Variants in LAP3 observed in about 807,000 individuals in gnomAD.
LAP3 encodes the protein leucine aminopeptidase 3.
In LAP3, 46 loss-of-function variants were observed where a neutral mutation model predicts 58.8. The observed-to-expected ratio is 0.78, with a 90% confidence interval of 0.62 to 1.00. The LOEUF (loss-of-function observed/expected upper bound fraction) is 1.00. Among genes scored for constraint, LAP3 ranks in the 50% least tolerant of loss-of-function variants. LAP3 has a pLI of 0.00. For missense variants in LAP3, 615 were observed against 659.1 expected (o/e 0.93, Z 0.73); for synonymous variants, 257 against 237.7 (o/e 1.08, Z -0.75).
intron 1 of LAP3, among the ~76,000 whole-genome samples, chr4:17,578,283 T>C (rs992601894): frequency 1.3e-5 from 2 of 152,122 alleles, no homozygotes; most frequent in African/African-American, 2.4e-5. Context: ...ATCTCAGTGG[T>C]GGAGGGACCA....
Position 17,582,291 on chromosome 4 carries a change from T to A in LAP3, c.277T>A (p.Phe93Ile). 2 of 1,613,600 alleles carry A rather than the reference T, an allele frequency of 1.2e-6. No individual in the cohort carries two copies. Among genetic ancestry groups the A allele is most frequent in the South Asian group, 1.1e-5 (1 of 91,042 alleles). ...TRTFYGLHQD[F>I]PSVVLVGLGK... ...ATTTGGTGTATCTGTGGGACAGGAC[T>A]TCCCCAGCGTGGTGCTAGTTGGCCT... is the stretch of plus-strand genomic sequence containing the variant. Residue 93 changes from phenylalanine to isoleucine, a missense_variant, in exon 4 of 13, where the codon TTC becomes ATC. Physicochemically the swap from Phe to Ile is conservative, Grantham distance 21. Transcript: ENST00000226299.
rs55676326 is a variant in LAP3 at position 17,593,609 on chromosome 4, G to GTTTTTTTTTTTTTTTTT, written c.864-1797_864-1781dup. On this transcript the variant is annotated intron_variant, in intron 7 of 12. Transcript: ENST00000226299. ...CATATACATTTTAGAATCTGCTTGGGTTTTTTTTTTTTTTTTTTTTGAGAC... is the reference window on the plus strand; with the variant it reads ...CATATACATTTTAGAATCTGCTTGGGTTTTTTTTTTTTTTTTTTTTTTTTTTTTTTTTTTTTTGAGAC... Among the ~76,000 whole-genome samples, 6 of 87,608 alleles carry GTTTTTTTTTTTTTTTTT rather than the reference G, an allele frequency of 6.8e-5. 2 individuals carry two copies. Among genetic ancestry groups the GTTTTTTTTTTTTTTTTT allele is most frequent in the Admixed American group, 3.6e-4 (2 of 5,598 alleles). The allele number at this position is 87,608 out of a possible 152,430, so 57.5% of individuals were successfully genotyped here.
At chr4:17,591,985 G>A (rs540610776) in intron 7 of LAP3, among the ~76,000 whole-genome samples, 83 of 152,000 alleles carry the variant, frequency 5.5e-4, no homozygotes, top group African/African-American at 1.9e-3. Flanking sequence ...GGGGGGTGCA[G>A]TGGCATACAC....
intron 7 of LAP3, among the ~76,000 whole-genome samples, chr4:17,592,169 C>G (rs994384544): frequency 6.6e-6 from 1 of 152,130 alleles, no homozygotes; most frequent in African/African-American, 2.4e-5. Context: ...ACCTATGCAC[C>G]GTTCACCACT....
chr4:17,590,732 C>T (rs546680977), intron 7 of LAP3, among the ~76,000 whole-genome samples: 11 of 151,322 alleles, frequency 7.3e-5, no homozygotes, highest in Admixed American at 3.3e-4. Context: ...CCACCATGCC[C>T]GGCTAATTTT....
In LAP3 at chr4:17,583,631, G is replaced by C. The variant is rs1300620596; in HGVS notation, c.528G>C (p.Lys176Asn). The stretch of plus-strand genomic sequence containing the variant: ...AAAAGAAGATGGCTGTGTCGGCAAA[G>C]CTCTATGGAAGGTGATGGAAGCAAA... ...KQKKKMAVSA[K>N]LYGSGDQEAW... Residue 176 changes from lysine (K) to asparagine (N), a missense_variant, in exon 5 of 13, where the codon AAG becomes AAC. Coordinates refer to ENST00000226299, the MANE Select transcript of LAP3 (RefSeq NM_015907.3). The C allele has an allele frequency of 1.1e-5, 18 of 1,613,446 alleles. No individual in the cohort carries two copies. The highest frequency in any genetic ancestry group is 1.5e-5 in the Non-Finnish European group (18 of 1,180,044).
At chr4:17,598,900 C>T (rs527401416) in intron 10 of LAP3, among the ~76,000 whole-genome samples, 7 of 152,014 alleles carry the variant, frequency 4.6e-5, no homozygotes, top group Non-Finnish European at 7.4e-5. Flanking sequence ...CCAGTCCTGG[C>T]GAATTTTTGT....
chr4:17,599,536 A>AAAAAT (rs545303171), intron 10 of LAP3, among the ~76,000 whole-genome samples: 3,570 of 152,078 alleles, frequency 0.023, 129 homozygotes, highest in African/African-American at 0.077. Flanking sequence ...CTCCCTCTTA[A>AAAAAT]AAAATAAAAT....
chr4:17,592,573 T>C (rs1713713992), intron 7 of LAP3, among the ~76,000 whole-genome samples: 1 of 152,204 alleles, frequency 6.6e-6, no homozygotes, highest in Non-Finnish European at 1.5e-5. Context: ...CGTAAATACC[T>C]AGGAAAACAG....
At chr4:17,580,718 CA>C (rs1170707273) in intron 2 of LAP3, among the ~76,000 whole-genome samples, 3 of 152,044 alleles carry the variant, frequency 2.0e-5, no homozygotes, top group African/African-American at 7.2e-5. Flanking sequence ...AAGGGCTTCT[CA>C]AAATTTAAAA....
intron 1 of LAP3, among the ~76,000 whole-genome samples, chr4:17,579,198 T>C (rs1019879249): frequency 6.6e-6 from 1 of 152,174 alleles, no homozygotes; most frequent in African/African-American, 2.4e-5. Flanking sequence ...AATTGTGGAA[T>C]AATGACTAGG....
intron 10 of LAP3, among the ~76,000 whole-genome samples, chr4:17,602,843 C>T (rs1010544531): frequency 1.6e-4 from 25 of 151,920 alleles, no homozygotes; most frequent in Admixed American, 1.6e-3. Context: ...CGCCACCACA[C>T]TCGGATTTTT....
At chr4:17,580,807 AT>A (rs1713343583) in intron 2 of LAP3, among the ~76,000 whole-genome samples, 1 of 152,196 alleles carries the variant, frequency 6.6e-6, no homozygotes, top group African/African-American at 2.4e-5. Context: ...GTAGGGAAAC[AT>A]TGTAACTGCA....
intron 6 of LAP3, chr4:17,585,408 C>A: frequency 4.3e-6 from 1 of 231,400 alleles, no homozygotes. Context: ...CCATAGAATT[C>A]ACCAATGCAA....
At chr4:17,583,264 G>A (rs1713411864) in intron 4 of LAP3, among the ~76,000 whole-genome samples, 1 of 152,118 alleles carries the variant, frequency 6.6e-6, no homozygotes, top group Non-Finnish European at 1.5e-5. Context: ...CTCTCCATCA[G>A]CCTGTCCTCA....
At position 17,607,563 on chromosome 4, in the gene LAP3, C is replaced by A. The variant is rs1037975721; in HGVS notation, c.1534C>A (p.Leu512Ile). ...RPTRTLIEFL[L>I]RFSQDNA Reference sequence around the variant, plus strand: ...CACAAGGACTCTCATTGAGTTCTTACTTCGTTTCAGTCAAGACAATGCTTA... The same window carrying A: ...CACAAGGACTCTCATTGAGTTCTTAATTCGTTTCAGTCAAGACAATGCTTA... Residue 512 changes from leucine (L) to isoleucine (I), a missense_variant, in exon 13 of 13, where the codon CTT becomes ATT. Leu to Ile is a conservative substitution (Grantham distance 5, BLOSUM62 2). Coordinates refer to ENST00000226299, the MANE Select transcript of LAP3 (RefSeq NM_015907.3). 1 of 1,613,060 alleles carries A rather than the reference C, an allele frequency of 6.2e-7. No individual in the cohort carries two copies. The highest frequency in any genetic ancestry group is 1.3e-5 in the African/African-American group (1 of 74,904).
chr4:17,581,711 G>A, intron 2 of LAP3, 49 bp from the exon 3 acceptor site: 1 of 1,492,090 alleles, frequency 6.7e-7, no homozygotes, highest in Non-Finnish European at 9.3e-7. Flanking sequence ...CTTCCCAAGT[G>A]AACCGAGCAA....
rs1323957583 is a variant in LAP3, at chr4:17,577,526, C to G, written c.61C>G (p.Arg21Gly). The G allele has an allele frequency of 3.2e-6, 5 of 1,582,244 alleles. No homozygotes were observed. In the South Asian group the frequency reaches 5.8e-5, roughly 18 times the overall value. The change falls in exon 1 of 13, where the codon CGT (arginine) becomes GGT (glycine). Residue 21 changes from arginine (R) to glycine (G), a missense_variant. Transcript: ENST00000226299. ...RVVVRRLAVR[R>G]FGSRSLSTAD... is the part of the protein sequence containing the mutation. ...AGTCGTCCGACGTCTGGCCGTGAGA[C>G]GTTTCGGGAGCCGGAGTCTCTCCAC...
In LAP3 at chr4:17,597,153, C is replaced by T. The variant is rs1713851193; in HGVS notation, c.1077+19C>T. The T allele has an allele frequency of 6.3e-7, 1 of 1,592,984 alleles. No individual in the cohort carries two copies. The highest frequency in any genetic ancestry group is 1.3e-5 in the African/African-American group (1 of 74,596). ...CATCCAGGTTTGTAAATGTGAGACA[C>T]AGCACTCCCCATCCAGCGTTCCTCA... On this transcript the variant is annotated intron_variant, in intron 9 of 12. Transcript: ENST00000226299.
Sources: gnomAD v4.1 joint callset for allele counts (sites outside exome capture counted in the v4.1 genomes callset) on GRCh38, gnomAD v4.1.1 for gene constraint, MANE v1.5 for transcripts, NCBI Gene and HGNC (gene_info 2026-07-23, HGNC 2026-07-21) for gene names.